Variants in CACNA2D3 observed in about 807,000 individuals in gnomAD.
CACNA2D3 encodes calcium voltage-gated channel auxiliary subunit alpha2delta 3, also known as voltage-dependent calcium channel subunit alpha-2/delta-3.
A neutral mutation model predicts 160.6 loss-of-function variants in CACNA2D3; 60 were observed. The observed-to-expected ratio is 0.37, with a 90% CI of 0.30 to 0.46. The LOEUF (loss-of-function observed/expected upper bound fraction) is 0.46, where lower values mean the gene tolerates loss of function less well. Ranked by LOEUF, CACNA2D3 falls within the 20% of genes least tolerant of loss-of-function variation. The pLI, the probability that CACNA2D3 is intolerant of heterozygous loss-of-function variation, is 1.00. For synonymous variants in CACNA2D3, 558 were observed against 492.9 expected (o/e 1.13, Z -1.75); for missense variants, 1,205 against 1,365.0 (o/e 0.88, Z 1.85).
At chr3:54,448,208 C>A (rs1028874991) in intron 4 of CACNA2D3, among the ~76,000 whole-genome samples, 3 of 152,178 alleles carry the variant, frequency 2.0e-5, no homozygotes, top group African/African-American at 7.2e-5. Context: ...GAATCTGCCT[C>A]CCTGGCAGCT....
intron 11 of CACNA2D3, among the ~76,000 whole-genome samples, chr3:54,725,979 G>GT (rs1184102269): frequency 6.6e-6 from 1 of 152,152 alleles, no homozygotes; most frequent in Non-Finnish European, 1.5e-5. Context: ...AATGGTCTCT[G>GT]TTTGCAGATG....
At chr3:55,000,992 T>C (rs1238044962) in intron 31 of CACNA2D3, among the ~76,000 whole-genome samples, 1 of 152,182 alleles carries the variant, frequency 6.6e-6, no homozygotes, top group Non-Finnish European at 1.5e-5. Flanking sequence ...TATGTGAACT[T>C]GGGCATATTT....
At chr3:54,292,625 A>T (rs1041162744) in intron 2 of CACNA2D3, among the ~76,000 whole-genome samples, 1 of 152,258 alleles carries the variant, frequency 6.6e-6, no homozygotes, top group Non-Finnish European at 1.5e-5. Flanking sequence ...CCACAGTCAG[A>T]TAACAACACT....
chr3:54,411,573 G>T (rs1488102765), intron 4 of CACNA2D3, among the ~76,000 whole-genome samples: 1 of 152,116 alleles, frequency 6.6e-6, no homozygotes, highest in Admixed American at 6.5e-5. Flanking sequence ...TACACACATT[G>T]ATTTTTAGAC....
chr3:54,837,008 A>G (rs1017255516), intron 14 of CACNA2D3, 151 bp from the exon 15 acceptor site: 4 of 661,700 alleles, frequency 6.0e-6, no homozygotes, highest in African/African-American at 3.6e-5. Context: ...CAGGACACAC[A>G]TTGTGCTCCG....
At chr3:54,233,241 G>C (rs1247768709) in intron 2 of CACNA2D3, among the ~76,000 whole-genome samples, 2 of 152,194 alleles carry the variant, frequency 1.3e-5, no homozygotes, top group Middle Eastern at 3.2e-3. Flanking sequence ...GGCTTAGTCT[G>C]TTAGCATTTA....
Position 54,494,390 on chromosome 3 carries a change from T to A in CACNA2D3, c.382-9102T>A, listed in dbSNP as rs184840379. ...GTCCCTGGTAAATGATGAGCGCCAT[T>A]GAGCAAAATCATGCTTAGGCTTTCA... On this transcript the variant is annotated intron_variant, in intron 4 of 37. Transcript: ENST00000474759. 2.6e-5 allele frequency among the ~76,000 whole-genome samples: 4 copies of A among 152,282 alleles called. No homozygotes were observed. In the East Asian group the frequency reaches 7.7e-4, roughly 29 times the overall value.
intron 5 of CACNA2D3, among the ~76,000 whole-genome samples, chr3:54,517,040 A>G (rs921886345): frequency 2.6e-5 from 4 of 152,192 alleles, no homozygotes; most frequent in African/African-American, 7.2e-5. Context: ...GCTTTTTCAC[A>G]AACCACTTTA....
intron 16 of CACNA2D3, among the ~76,000 whole-genome samples, chr3:54,845,107 C>A (rs1278352819): frequency 6.6e-6 from 1 of 152,134 alleles, no homozygotes; most frequent in Non-Finnish European, 1.5e-5. Context: ...ATGAAATATA[C>A]TTTTATCATT....
At chr3:54,833,596 A>C (rs1703926098) in intron 14 of CACNA2D3, among the ~76,000 whole-genome samples, 1 of 151,996 alleles carries the variant, frequency 6.6e-6, no homozygotes, top group Non-Finnish European at 1.5e-5. Flanking sequence ...CTGGGAAAAA[A>C]AAAACAAAAC....
In CACNA2D3 at chr3:54,337,777, A is replaced by G. The variant is rs1052211368; in HGVS notation, c.321+17219A>G. On this transcript the variant is annotated intron_variant, in intron 3 of 37. Coordinates refer to ENST00000474759, the MANE Select transcript of CACNA2D3 (RefSeq NM_018398.3). ...AGCATCTTCACCCTCCTTTCTTCCA[A>G]TAGGTGGCTATATAACATTGGCATT... Among the ~76,000 whole-genome samples the G allele has an allele frequency of 1.3e-4, 20 of 152,166 alleles. 1 individual carries two copies. The highest frequency in any genetic ancestry group is 2.8e-4 in the Non-Finnish European group (19 of 68,032).
intron 4 of CACNA2D3, among the ~76,000 whole-genome samples, chr3:54,499,474 T>C (rs925500216): frequency 1.3e-5 from 2 of 152,190 alleles, no homozygotes; most frequent in Non-Finnish European, 2.9e-5. Flanking sequence ...CTCTTCTTTT[T>C]CTAGTTTTCT....
intron 4 of CACNA2D3, among the ~76,000 whole-genome samples, chr3:54,459,548 C>G (rs1204456017): frequency 6.6e-6 from 1 of 151,822 alleles, no homozygotes; most frequent in Non-Finnish European, 1.5e-5. Flanking sequence ...TTTCATGTGT[C>G]TTTTGGCTAC....
intron 2 of CACNA2D3, among the ~76,000 whole-genome samples, chr3:54,237,573 G>C (rs1701907092): frequency 6.6e-6 from 1 of 152,108 alleles, no homozygotes; most frequent in Admixed American, 6.5e-5. Flanking sequence ...TGGATCCCTG[G>C]AGCTTGGCTT....
rs531173193 is a variant in CACNA2D3, at chr3:54,459,728, T to G, written c.382-43764T>G. Among the ~76,000 whole-genome samples, 752 of 152,274 alleles carry G rather than the reference T, an allele frequency of 4.9e-3. 3 individuals carry two copies. The highest frequency in any genetic ancestry group is 8.0e-3 in the Non-Finnish European group (541 of 68,026). ...TTTCTCCCATTTTGTAGGTTGCCTG[T>G]TCACTCTGATGGTAGTTTCTTTTGC... On this transcript the variant is annotated intron_variant, in intron 4 of 37. Coordinates refer to ENST00000474759, the MANE Select transcript of CACNA2D3 (RefSeq NM_018398.3).
intron 2 of CACNA2D3, among the ~76,000 whole-genome samples, chr3:54,310,255 G>A (rs982965991): frequency 6.6e-6 from 1 of 152,082 alleles, no homozygotes; most frequent in South Asian, 2.1e-4. Flanking sequence ...AAGAAGAAGT[G>A]GTCCTAACTT....
At chr3:54,758,826 T>G (rs985846752) in intron 12 of CACNA2D3, among the ~76,000 whole-genome samples, 6 of 151,976 alleles carry the variant, frequency 3.9e-5, no homozygotes, top group African/African-American at 1.5e-4. Flanking sequence ...ACTCAACAAC[T>G]CAAAGGAATC....
At chr3:55,058,444 T>C (rs1034778257) in intron 35 of CACNA2D3, among the ~76,000 whole-genome samples, 2 of 152,006 alleles carry the variant, frequency 1.3e-5, no homozygotes, top group African/African-American at 4.8e-5. Flanking sequence ...CCCAAGGATA[T>C]ACGGTAAAAA....
intron 13 of CACNA2D3, among the ~76,000 whole-genome samples, chr3:54,767,215 AAATG>A (rs1458643080): frequency 1.3e-5 from 2 of 152,216 alleles, no homozygotes; most frequent in African/African-American, 2.4e-5. Flanking sequence ...AAACAGAACA[AAATG>A]AATCCAATAA....
Sources: allele counts gnomAD v4.1 joint callset (sites outside exome capture counted in the v4.1 genomes callset), GRCh38; gene constraint gnomAD v4.1.1; transcripts MANE v1.5; gene names NCBI Gene and HGNC (gene_info 2026-07-23, HGNC 2026-07-21).